The following RUNX1 variants were observed in gnomAD, a reference collection of about 807,000 sequenced individuals.
RUNX1 encodes the protein RUNX family transcription factor 1.
RUNX1 carries 19 observed loss-of-function variants against 42.8 expected under a neutral mutation model. The ratio of observed to expected loss-of-function variants is 0.44; its 90% CI spans 0.31 to 0.65. RUNX1 has a LOEUF of 0.65. RUNX1 is among the 30% of genes least tolerant of loss of function. The pLI, the probability that RUNX1 is intolerant of heterozygous loss-of-function variation, is 0.07. For missense variants in RUNX1, 528 were observed against 672.0 expected, an observed-to-expected ratio of 0.79 and a Z score of 2.37; for synonymous variants, 271 against 289.4, an observed-to-expected ratio of 0.94 and a Z score of 0.64.
Position 34,969,399 on chromosome 21 carries a change from GA to G in RUNX1, c.59-76437del, listed in dbSNP as rs112140241. Among the ~76,000 whole-genome samples the G allele has an allele frequency of 2.0e-3, 287 of 145,324 alleles. 3 individuals carry two copies. Among genetic ancestry groups the G allele is most frequent in the Non-Finnish European group, 2.4e-3 (159 of 65,926 alleles). On this transcript the variant is annotated intron_variant, in intron 2 of 8. Coordinates refer to ENST00000675419, the MANE Select transcript of RUNX1 (RefSeq NM_001754.5). ...GCTGTCTCCTGCAGGGGCCAACAGA[GA>G]AAAAAAAAACACAGAAAATGGGGAT...
intron 2 of RUNX1, among the ~76,000 whole-genome samples, chr21:35,001,682 A>G (rs1334909228): frequency 1.3e-5 from 2 of 152,160 alleles, no homozygotes; most frequent in Non-Finnish European, 2.9e-5. Flanking sequence ...AAGACACCCA[A>G]ATTGGAAAGT....
At chr21:34,943,580 G>A (rs1384840184) in intron 2 of RUNX1, among the ~76,000 whole-genome samples, 1 of 152,184 alleles carries the variant, frequency 6.6e-6, no homozygotes, top group African/African-American at 2.4e-5. Flanking sequence ...GGCTTGGGGA[G>A]GGAACATGGA....
chr21:35,011,530 T>G (rs1320126967), intron 2 of RUNX1, among the ~76,000 whole-genome samples: 2 of 152,182 alleles, frequency 1.3e-5, no homozygotes, highest in Non-Finnish European at 1.5e-5. Flanking sequence ...TAAAACAACT[T>G]GGCATTATCC....
At chr21:34,828,882 C>A (rs2057026439) in intron 7 of RUNX1, among the ~76,000 whole-genome samples, 1 of 152,190 alleles carries the variant, frequency 6.6e-6, no homozygotes, top group Non-Finnish European at 1.5e-5. Context: ...ATAAACTTTT[C>A]TTTATATATT....
intron 5 of RUNX1, among the ~76,000 whole-genome samples, chr21:34,877,007 C>A (rs759175503): frequency 6.6e-6 from 1 of 152,164 alleles, no homozygotes; most frequent in Non-Finnish European, 1.5e-5. Flanking sequence ...CAGGCGCCCG[C>A]CACCACACCT....
In RUNX1 at chr21:35,040,770, C is replaced by CAAAAAA. The variant is rs1568808489; in HGVS notation, c.58+8071_58+8072insTTTTTT. The stretch of plus-strand genomic sequence containing the variant: ...TGGTGACAGAGCTAGTAGACTCCAT[C>CAAAAAA]CAAAAAAAAAAAAAAAAAAAAAAAC... On this transcript the variant is annotated intron_variant, in intron 2 of 8. Transcript: ENST00000675419. Among the ~76,000 whole-genome samples the CAAAAAA allele has an allele frequency of 3.9e-5, 2 of 50,996 alleles. 1 individual carries two copies. 33.5% of individuals were successfully genotyped at this position (50,996 alleles called of 152,430 possible).
At chr21:35,035,691 T>A (rs1463598547) in intron 2 of RUNX1, among the ~76,000 whole-genome samples, 1 of 152,170 alleles carries the variant, frequency 6.6e-6, no homozygotes. Flanking sequence ...GCCAGAATTG[T>A]TCACGACAAC....
intron 2 of RUNX1, among the ~76,000 whole-genome samples, chr21:34,966,807 C>G (rs1426749335): frequency 1.3e-5 from 2 of 152,100 alleles, no homozygotes; most frequent in Non-Finnish European, 2.9e-5. Flanking sequence ...TTAATTTCCA[C>G]CCAAGAGTTT....
chr21:34,865,721 GA>G (rs1402155685), intron 5 of RUNX1, among the ~76,000 whole-genome samples: 2 of 152,176 alleles, frequency 1.3e-5, no homozygotes, highest in African/African-American at 4.8e-5. Context: ...GCCACGGCTG[GA>G]ACCTGCAGTT....
Position 34,832,375 on chromosome 21 carries a change from G to A in RUNX1, c.805+2035C>T, listed in dbSNP as rs115088791. ...TAGATTCACTCTTCACCAAGAAACA[G>A]AGCAACTCAATGGTGACAATATCAA... On this transcript the variant is annotated intron_variant, in intron 7 of 8. Transcript: ENST00000675419. Among the ~76,000 whole-genome samples, 304 of 152,298 alleles carry A rather than the reference G, an allele frequency of 2.0e-3. 1 individual carries two copies. The highest frequency in any genetic ancestry group is 6.8e-3 in the African/African-American group (283 of 41,576).
intron 7 of RUNX1, among the ~76,000 whole-genome samples, chr21:34,810,907 G>A (rs1348524553): frequency 6.6e-6 from 1 of 152,144 alleles, no homozygotes; most frequent in Non-Finnish European, 1.5e-5. Context: ...ACCTTCCTTA[G>A]GCAGCCAGAG....
rs557944237 is a variant in RUNX1, at chr21:34,954,174, A to AG, written c.59-61212dup. Among the ~76,000 whole-genome samples the AG allele has an allele frequency of 4.2e-3, 636 of 152,322 alleles. 4 individuals are homozygous for AG. Among genetic ancestry groups the AG allele is most frequent in the Non-Finnish European group, 6.7e-3 (453 of 68,036 alleles). The stretch of plus-strand genomic sequence containing the variant: ...ATATCACTTCAGTGGTGATATCTTA[A>AG]GCTACAGAAAGAGTCATCTTCCTTT... On this transcript the variant is annotated intron_variant, in intron 2 of 8. Transcript: ENST00000675419.
chr21:34,878,294 C>T (rs1434341718), intron 5 of RUNX1, among the ~76,000 whole-genome samples: 9 of 145,474 alleles, frequency 6.2e-5, no homozygotes. Flanking sequence ...GAAATTATGA[C>T]AGAGTCAAAT....
At chr21:35,026,010 C>A (rs914816551) in intron 2 of RUNX1, among the ~76,000 whole-genome samples, 1 of 151,934 alleles carries the variant, frequency 6.6e-6, no homozygotes, top group Non-Finnish European at 1.5e-5. Flanking sequence ...ACTGCAGAGG[C>A]CCCAACAATG....
chr21:34,933,978 A>G (rs73900599), intron 2 of RUNX1, among the ~76,000 whole-genome samples: 9,978 of 152,256 alleles, frequency 0.066, 1,023 homozygotes, highest in African/African-American at 0.22. Context: ...TCCAGGTAAC[A>G]ACTTGCAAGT....
intron 2 of RUNX1, among the ~76,000 whole-genome samples, chr21:34,984,829 G>C (rs962738658): frequency 2.0e-5 from 3 of 152,198 alleles, no homozygotes; most frequent in Admixed American, 6.5e-5. Context: ...GATGCAGATA[G>C]ACCCCGTCAT....
chr21:35,035,296 T>A (rs1057338662), intron 2 of RUNX1, among the ~76,000 whole-genome samples: 14 of 152,040 alleles, frequency 9.2e-5, no homozygotes, highest in African/African-American at 3.4e-4. Context: ...CTGTTCAAGG[T>A]GACTCAGCGG....
intron 2 of RUNX1, among the ~76,000 whole-genome samples, chr21:34,949,590 T>TC (rs2058591494): frequency 6.6e-6 from 1 of 152,192 alleles, no homozygotes; most frequent in African/African-American, 2.4e-5. Flanking sequence ...TACATTGGCC[T>TC]CCCCTAGGTG....
At chr21:34,905,702 T>C (rs2058212631) in intron 2 of RUNX1, among the ~76,000 whole-genome samples, 1 of 152,234 alleles carries the variant, frequency 6.6e-6, no homozygotes, top group Admixed American at 6.5e-5. Flanking sequence ...TAAAAGCACA[T>C]TGGTTCTTCA....
Sources: gnomAD v4.1 joint callset for allele counts (sites outside exome capture counted in the v4.1 genomes callset) on GRCh38, gnomAD v4.1.1 for gene constraint, MANE v1.5 for transcripts, NCBI Gene and HGNC (gene_info 2026-07-23, HGNC 2026-07-21) for gene names.